The following TOM1L2 variants were observed in gnomAD, a reference collection of about 807,000 sequenced individuals.
TOM1L2 encodes target of myb1 like 2 membrane trafficking protein.
In TOM1L2, 31 loss-of-function variants were observed where a neutral mutation model predicts 67.9. The ratio of observed to expected loss-of-function variants is 0.46; its 90% CI spans 0.34 to 0.62. The LOEUF (loss-of-function observed/expected upper bound fraction) is 0.62. Among genes scored for constraint, TOM1L2 ranks in the 20% least tolerant of loss-of-function variants. The pLI, the probability that TOM1L2 is intolerant of heterozygous loss-of-function variation, is 0.01. For missense variants in TOM1L2, 606 were observed against 663.5 expected (o/e 0.91, Z 0.95); for synonymous variants, 256 against 254.0 (o/e 1.01, Z -0.07).
In TOM1L2 at chr17:17,882,746, C is replaced by G. The variant is rs756419453; in HGVS notation, c.619G>C (p.Ala207Pro). ...PAPYSAPQAP[A>P]LSVTGPITAN... ...GTGATGGGGCCAGTCACACTCAGAG[C>G]TGGGGCCTGCGGTGCGGAGTAGGGA... The change falls in exon 6 of 15, where the codon GCT becomes CCT. Residue 207 changes from alanine (A) to proline (P), a missense_variant. By Grantham distance (27) the Ala-to-Pro change is conservative. This residue lies in a region of TOM1L2 where 543 missense variants were observed against 554.0 expected (regional missense o/e 0.98). Coordinates refer to ENST00000379504, the MANE Select transcript of TOM1L2 (RefSeq NM_001082968.2). The G allele has an allele frequency of 6.8e-6, 11 of 1,614,214 alleles. No individual in the cohort carries two copies. In the South Asian group the frequency reaches 9.9e-5, roughly 14 times the overall value.
At chr17:17,953,790 T>C (rs1322151039) in intron 1 of TOM1L2, among the ~76,000 whole-genome samples, 1 of 152,214 alleles carries the variant, frequency 6.6e-6, no homozygotes, top group Non-Finnish European at 1.5e-5. Context: ...AAAAATGCCA[T>C]CTCACAAAGT....
chr17:17,848,733 G>T, intron 14 of TOM1L2, 90 bp downstream of exon 14: 1 of 1,466,704 alleles, frequency 6.8e-7, no homozygotes. Context: ...TGCTCTGGCA[G>T]CGGGGGCTCC....
At chr17:17,922,738 T>A (rs1423549874) in intron 1 of TOM1L2, among the ~76,000 whole-genome samples, 1 of 152,190 alleles carries the variant, frequency 6.6e-6, no homozygotes, top group Non-Finnish European at 1.5e-5. Context: ...TGGAACATAG[T>A]GAGGGCGCAA....
chr17:17,846,963 C>T lies in TOM1L2; in HGVS notation c.*672G>A, dbSNP rs1476759264. 1 of 152,454 alleles carries T rather than the reference C, an allele frequency of 6.6e-6. No individual in the cohort carries two copies. The highest frequency in any genetic ancestry group is 1.5e-5 in the Non-Finnish European group (1 of 68,252). 9.4% of individuals were successfully genotyped at this position (152,454 alleles called of 1,614,324 possible). A position where few individuals can be genotyped will look rare whatever the true frequency, so the allele number is the denominator to read the frequency against. On this transcript the variant is annotated 3_prime_UTR_variant, in exon 15 of 15. Coordinates refer to ENST00000379504, the MANE Select transcript of TOM1L2 (RefSeq NM_001082968.2). ...CTTGGCCCTCTCCCTGCCCAGGGAGCCTGCAGGGACCCTCGGTGCCAGGCT... is the reference window on the plus strand; with the variant it reads ...CTTGGCCCTCTCCCTGCCCAGGGAGTCTGCAGGGACCCTCGGTGCCAGGCT...
At chr17:17,893,135 CTT>C (rs2038379655) in intron 4 of TOM1L2, among the ~76,000 whole-genome samples, 1 of 152,236 alleles carries the variant, frequency 6.6e-6, no homozygotes, top group African/African-American at 2.4e-5. Flanking sequence ...CAACTGCTCT[CTT>C]TGATGCGTCT....
intron 1 of TOM1L2, among the ~76,000 whole-genome samples, chr17:17,928,005 T>C (rs1157972702): frequency 1.3e-5 from 2 of 152,220 alleles, no homozygotes; most frequent in African/African-American, 4.8e-5. Context: ...TGTCTGGGAT[T>C]TACTGAAAAA....
At chr17:17,854,026 T>C (rs2036133261) in intron 12 of TOM1L2, among the ~76,000 whole-genome samples, 1 of 152,248 alleles carries the variant, frequency 6.6e-6, no homozygotes, top group Non-Finnish European at 1.5e-5. Context: ...TAGAAGCCAC[T>C]TGGCCTCAGG....
intron 4 of TOM1L2, among the ~76,000 whole-genome samples, chr17:17,891,453 T>A (rs2038268348): frequency 6.6e-6 from 1 of 152,100 alleles, no homozygotes; most frequent in Admixed American, 6.5e-5. Flanking sequence ...GGGACAGGCA[T>A]CCTCAGGGTA....
At chr17:17,848,922 CTCTG>C in intron 13 of TOM1L2, 63 bp from the exon 14 acceptor site, 1 of 1,586,202 alleles carries the variant, frequency 6.3e-7, no homozygotes, top group African/African-American at 1.3e-5. Context: ...GCCCAGCCAC[CTCTG>C]TCTGCCCATG....
rs538672755 is a variant in TOM1L2, at chr17:17,858,386, C to T, written c.1278+3090G>A. The T allele has an allele frequency of 3.9e-5, 6 of 152,930 alleles. No homozygotes were observed. In the South Asian group the frequency reaches 1.0e-3, roughly 26 times the overall value. The allele number at this position is 152,930 out of a possible 1,614,324, so 9.5% of individuals were successfully genotyped here. A position where few individuals can be genotyped will look rare whatever the true frequency, so the allele number is the denominator to read the frequency against. ...AACTCCTGGGCGCAAGTGATCCTTC[C>T]GCCTCAGCCTCCTGAGTAGCTAGAA... On this transcript the variant is annotated intron_variant, in intron 12 of 14. Transcript: ENST00000379504.
chr17:17,850,098 A>C (rs1265140843), intron 13 of TOM1L2, among the ~76,000 whole-genome samples: 1 of 152,136 alleles, frequency 6.6e-6, no homozygotes, highest in Non-Finnish European at 1.5e-5. Flanking sequence ...GGCCCCCTAC[A>C]GAGGAGGCAC....
intron 2 of TOM1L2, among the ~76,000 whole-genome samples, chr17:17,901,213 G>A (rs2038837414): frequency 6.6e-6 from 1 of 152,220 alleles, no homozygotes; most frequent in Non-Finnish European, 1.5e-5. Context: ...GAGGATCAAA[G>A]TCATGTCAAA....
intron 1 of TOM1L2, among the ~76,000 whole-genome samples, chr17:17,913,636 C>A (rs1020140447): frequency 2.6e-4 from 39 of 152,230 alleles, no homozygotes; most frequent in African/African-American, 9.4e-4. Flanking sequence ...AAGAAGCATT[C>A]TTTTTGGGTT....
intron 1 of TOM1L2, among the ~76,000 whole-genome samples, chr17:17,908,301 T>G (rs1447826371): frequency 6.6e-6 from 1 of 152,198 alleles, no homozygotes; most frequent in East Asian, 1.9e-4. Context: ...TACAAAAATT[T>G]ACTCCAAATG....
intron 4 of TOM1L2, among the ~76,000 whole-genome samples, chr17:17,893,290 C>T (rs1250073411): frequency 6.6e-6 from 1 of 152,156 alleles, no homozygotes; most frequent in Non-Finnish European, 1.5e-5. Context: ...AGCCCCTTAC[C>T]TTGCTCCGCC....
intron 3 of TOM1L2, among the ~76,000 whole-genome samples, chr17:17,894,934 AACAT>A (rs200969782): frequency 0.033 from 4,767 of 143,734 alleles, 124 homozygotes; most frequent in East Asian, 0.11. Flanking sequence ...CTGTCTCAAA[AACAT>A]ACATACATAC....
At chr17:17,906,419 G>T (rs769922740) in intron 2 of TOM1L2, among the ~76,000 whole-genome samples, 1 of 151,744 alleles carries the variant, frequency 6.6e-6, no homozygotes, top group Non-Finnish European at 1.5e-5. Context: ...GTGACCCACC[G>T]AGCCCAGCCA....
At chr17:17,884,595 G>A (rs747056259) in intron 5 of TOM1L2, 39 bp downstream of exon 5, 8 of 1,612,850 alleles carry the variant, frequency 5.0e-6, no homozygotes, top group Non-Finnish European at 6.8e-6. Context: ...CACCCGTTCT[G>A]CAGTAGGTCT....
chr17:17,955,806 G>A (rs994125070), intron 1 of TOM1L2, among the ~76,000 whole-genome samples: 1 of 152,120 alleles, frequency 6.6e-6, no homozygotes, highest in Non-Finnish European at 1.5e-5. Context: ...TGTTCCTTCT[G>A]ATGTTCAGCT....
Sources: allele counts gnomAD v4.1 joint callset (sites outside exome capture counted in the v4.1 genomes callset), GRCh38; gene constraint gnomAD v4.1.1; regional missense constraint gnomAD v4.1.1; transcripts MANE v1.5; gene names NCBI Gene and HGNC (gene_info 2026-07-23, HGNC 2026-07-21).